Variants in OPCML observed in about 807,000 individuals in gnomAD.
The protein encoded by OPCML is opioid-binding protein/cell adhesion molecule.
OPCML carries 13 observed loss-of-function variants against 37.8 expected under a neutral mutation model. That is an observed-to-expected ratio of 0.34 (90% CI 0.22 to 0.55). The LOEUF (loss-of-function observed/expected upper bound fraction) is 0.55. Ranked by LOEUF, OPCML falls within the 20% of genes least tolerant of loss-of-function variation. The probability of loss-of-function intolerance (pLI) is 0.91; values close to 1 mark genes in which losing one functional copy is unlikely to be tolerated. For synonymous variants in OPCML, 176 were observed against 168.8 expected (o/e 1.04, Z -0.33); for missense variants, 341 against 435.6 (o/e 0.78, Z 1.93).
intron 1 of OPCML, among the ~76,000 whole-genome samples, chr11:133,152,793 C>T (rs886173774): frequency 2.6e-5 from 4 of 151,982 alleles, no homozygotes; most frequent in Non-Finnish European, 4.4e-5. Flanking sequence ...AGATTCTTTA[C>T]AGCCATCTAA....
intron 2 of OPCML, among the ~76,000 whole-genome samples, chr11:132,868,129 G>C (rs1174698016): frequency 6.6e-6 from 1 of 152,122 alleles, no homozygotes; most frequent in Admixed American, 6.5e-5. Context: ...GAGGGGTTAA[G>C]TGTTATTTTC....
chr11:132,433,357 T>A (rs2096003572), intron 7 of OPCML, among the ~76,000 whole-genome samples: 1 of 152,168 alleles, frequency 6.6e-6, no homozygotes, highest in Non-Finnish European at 1.5e-5. Flanking sequence ...CTTAGCCGAG[T>A]GGACTCAGGC....
At chr11:133,214,765 G>T (rs990800426) in intron 1 of OPCML, among the ~76,000 whole-genome samples, 1 of 152,040 alleles carries the variant, frequency 6.6e-6, no homozygotes, top group Non-Finnish European at 1.5e-5. Flanking sequence ...GAAACTTTTG[G>T]TTATTTTTCC....
At chr11:133,146,312 C>CT (rs869237328) in intron 1 of OPCML, among the ~76,000 whole-genome samples, 10,286 of 128,702 alleles carry the variant, frequency 0.08, 556 homozygotes, top group African/African-American at 0.11. Flanking sequence ...TCCATCTTTT[C>CT]TTTTTTTTTT....
chr11:132,836,675 A>G (rs915714784), intron 2 of OPCML, among the ~76,000 whole-genome samples: 1 of 152,196 alleles, frequency 6.6e-6, no homozygotes, highest in Admixed American at 6.5e-5. Flanking sequence ...ATATTAATAC[A>G]GACATCAAAG....
At chr11:133,153,621 T>C (rs1950017501) in intron 1 of OPCML, among the ~76,000 whole-genome samples, 1 of 152,070 alleles carries the variant, frequency 6.6e-6, no homozygotes, top group Non-Finnish European at 1.5e-5. Flanking sequence ...TCTTCTTCCC[T>C]GAGAGTTGGG....
intron 4 of OPCML, among the ~76,000 whole-genome samples, chr11:132,518,535 T>C (rs1343547065): frequency 6.6e-6 from 1 of 152,202 alleles, no homozygotes; most frequent in East Asian, 1.9e-4. Flanking sequence ...CTCGGGACAT[T>C]TGGATGTGCT....
intron 3 of OPCML, among the ~76,000 whole-genome samples, chr11:132,533,269 G>A (rs1174013457): frequency 7.2e-5 from 11 of 152,144 alleles, no homozygotes; most frequent in Admixed American, 7.2e-4. Context: ...ATTGTGCAGA[G>A]GGTTCAATGC....
intron 1 of OPCML, among the ~76,000 whole-genome samples, chr11:133,260,896 T>A (rs534747241): frequency 8.7e-4 from 132 of 151,828 alleles, no homozygotes; most frequent in African/African-American, 2.6e-3. Flanking sequence ...TGAAATAGAC[T>A]AAGAAGAAAA....
intron 1 of OPCML, among the ~76,000 whole-genome samples, chr11:133,312,909 G>A (rs1389089673): frequency 6.6e-6 from 1 of 152,146 alleles, no homozygotes; most frequent in Non-Finnish European, 1.5e-5. Flanking sequence ...AGGATAGGCG[G>A]TATATTAAAA....
chr11:132,978,882 A>G (rs1367939141), intron 1 of OPCML, among the ~76,000 whole-genome samples: 2 of 152,158 alleles, frequency 1.3e-5, no homozygotes, highest in African/African-American at 4.8e-5. Context: ...TCATCTGCTC[A>G]GTTACCCTCT....
At chr11:133,182,460 T>A (rs1937878171) in intron 1 of OPCML, among the ~76,000 whole-genome samples, 1 of 152,196 alleles carries the variant, frequency 6.6e-6, no homozygotes, top group Non-Finnish European at 1.5e-5. Context: ...GCCTGCCAGT[T>A]ATGTTCTCCA....
chr11:132,795,677 G>A (rs1006714800), intron 2 of OPCML, among the ~76,000 whole-genome samples: 3 of 152,164 alleles, frequency 2.0e-5, no homozygotes, highest in Admixed American at 1.3e-4. Context: ...TCCTACAATA[G>A]CATGTTTTTG....
chr11:132,510,283 G>C (rs1290227211), intron 4 of OPCML, among the ~76,000 whole-genome samples: 1 of 152,150 alleles, frequency 6.6e-6, no homozygotes, highest in African/African-American at 2.4e-5. Context: ...AGGCTCATAG[G>C]TGGAAGGGAC....
At chr11:133,488,338 A>G (rs1177600029) in intron 1 of OPCML, among the ~76,000 whole-genome samples, 1 of 152,168 alleles carries the variant, frequency 6.6e-6, no homozygotes, top group Non-Finnish European at 1.5e-5. Context: ...TTGTTCAATG[A>G]TGATATGATC....
At chr11:132,869,203 G>A (rs1942698379) in intron 2 of OPCML, among the ~76,000 whole-genome samples, 1 of 152,158 alleles carries the variant, frequency 6.6e-6, no homozygotes, top group African/African-American at 2.4e-5. Flanking sequence ...TTATCAGACT[G>A]GATTCCTCCT....
chr11:133,159,037 A>G (rs1950106942), intron 1 of OPCML, among the ~76,000 whole-genome samples: 1 of 152,178 alleles, frequency 6.6e-6, no homozygotes, highest in African/African-American at 2.4e-5. Flanking sequence ...CCAGTTCCTG[A>G]AATGATTTGG....
At chr11:132,719,354 T>G (rs939612012) in intron 2 of OPCML, among the ~76,000 whole-genome samples, 7 of 152,206 alleles carry the variant, frequency 4.6e-5, no homozygotes, top group African/African-American at 1.7e-4. Context: ...AGTAACACTC[T>G]CCTCTTCTGA....
chr11:132,750,093 G>T (rs1290278697), intron 2 of OPCML, among the ~76,000 whole-genome samples: 1 of 152,038 alleles, frequency 6.6e-6, no homozygotes, highest in South Asian at 2.1e-4. Context: ...CCAACACTTT[G>T]GCAAGCCGAG....
Sources: gnomAD v4.1 joint callset for allele counts (sites outside exome capture counted in the v4.1 genomes callset) on GRCh38, gnomAD v4.1.1 for gene constraint, MANE v1.5 for transcripts, NCBI Gene and HGNC (gene_info 2026-07-23, HGNC 2026-07-21) for gene names.